Variants in SH3RF3 observed in about 807,000 individuals in gnomAD.
SH3RF3 encodes the protein SH3 domain containing ring finger 3, also known as E3 ubiquitin-protein ligase SH3RF3.
In SH3RF3, 29 loss-of-function variants were observed where a neutral mutation model predicts 66.3. The observed-to-expected ratio is 0.44, with a 90% confidence interval of 0.33 to 0.60. The LOEUF (loss-of-function observed/expected upper bound fraction) is 0.60, where lower values mean the gene tolerates loss of function less well. Among genes scored for constraint, SH3RF3 ranks in the 20% least tolerant of loss-of-function variants. The probability of loss-of-function intolerance (pLI) is 0.04; values close to 1 mark genes in which losing one functional copy is unlikely to be tolerated. For missense variants in SH3RF3, 1,194 were observed against 1,190.9 expected (o/e 1.00, Z -0.04); for synonymous variants, 583 against 532.0 (o/e 1.10, Z -1.32).
intron 1 of SH3RF3, among the ~76,000 whole-genome samples, chr2:109,209,954 C>T (rs1678931030): frequency 1.3e-5 from 2 of 152,184 alleles, no homozygotes; most frequent in African/African-American, 4.8e-5. Context: ...AAACTGTGTC[C>T]CCATTAAACA....
intron 1 of SH3RF3, among the ~76,000 whole-genome samples, chr2:109,179,897 G>T (rs934979328): frequency 6.6e-6 from 1 of 151,976 alleles, no homozygotes; most frequent in African/African-American, 2.4e-5. Flanking sequence ...AAAATACAGG[G>T]GTCAAAAAAG....
intron 1 of SH3RF3, among the ~76,000 whole-genome samples, chr2:109,333,975 A>G (rs1039265865): frequency 6.6e-6 from 1 of 152,200 alleles, no homozygotes; most frequent in African/African-American, 2.4e-5. Flanking sequence ...ACAAGTGGTA[A>G]TGTGTTAAAT....
chr2:109,199,149 G>C (rs1351280552), intron 1 of SH3RF3, among the ~76,000 whole-genome samples: 3 of 151,830 alleles, frequency 2.0e-5, no homozygotes, highest in Non-Finnish European at 4.4e-5. Flanking sequence ...CACAAGGTCA[G>C]GAGATCGAGA....
chr2:109,156,072 C>T (rs1574478388), intron 1 of SH3RF3, among the ~76,000 whole-genome samples: 1 of 152,344 alleles, frequency 6.6e-6, no homozygotes, highest in East Asian at 1.9e-4. Context: ...AAGCTGGGTC[C>T]TCTCCTCTTT....
intron 5 of SH3RF3, among the ~76,000 whole-genome samples, chr2:109,429,465 A>C (rs1677129649): frequency 6.6e-6 from 1 of 152,196 alleles, no homozygotes; most frequent in South Asian, 2.1e-4. Context: ...AAAATTTAAG[A>C]TGAAGAGGCC....
In SH3RF3 at chr2:109,201,096, C is replaced by T. The variant is rs72952018; in HGVS notation, c.573+70983C>T. 8.8e-3 allele frequency among the ~76,000 whole-genome samples: 1,346 copies of T among 152,322 alleles called. 17 individuals are homozygous for T. Among genetic ancestry groups the T allele is most frequent in the African/African-American group, 0.031 (1,286 of 41,566 alleles). ...GTGCTCAGGGACTCTCAGTTCTCTCCCCTGTCCCTCAGCACAGACCTTATT... is the reference window on the plus strand; with the variant it reads ...GTGCTCAGGGACTCTCAGTTCTCTCTCCTGTCCCTCAGCACAGACCTTATT... On this transcript the variant is annotated intron_variant, in intron 1 of 9. Coordinates refer to ENST00000309415, the MANE Select transcript of SH3RF3 (RefSeq NM_001099289.3).
chr2:109,448,096 G>T (rs1573259546), intron 7 of SH3RF3, among the ~76,000 whole-genome samples: 1 of 152,258 alleles, frequency 6.6e-6, no homozygotes, highest in East Asian at 1.9e-4. Flanking sequence ...GACATACCCA[G>T]TGTGGAAACC....
chr2:109,323,258 T>C (rs998666398), intron 1 of SH3RF3, among the ~76,000 whole-genome samples: 2 of 152,122 alleles, frequency 1.3e-5, no homozygotes, highest in African/African-American at 4.8e-5. Context: ...CTGGGAGTCA[T>C]TGGGTGTATA....
At chr2:109,397,370 G>T (rs189310616) in intron 3 of SH3RF3, among the ~76,000 whole-genome samples, 1 of 152,234 alleles carries the variant, frequency 6.6e-6, no homozygotes, top group Admixed American at 6.5e-5. Flanking sequence ...GATGGCATTT[G>T]CCTAACCCAG....
chr2:109,203,950 G>T (rs369207320), intron 1 of SH3RF3, among the ~76,000 whole-genome samples: 1 of 152,226 alleles, frequency 6.6e-6, no homozygotes, highest in African/African-American at 2.4e-5. Flanking sequence ...TCCCAGCAGA[G>T]CATCTGCACG....
chr2:109,484,207 C>T (rs559951290), intron 8 of SH3RF3, among the ~76,000 whole-genome samples: 2 of 152,076 alleles, frequency 1.3e-5, no homozygotes, highest in Admixed American at 6.6e-5. Flanking sequence ...GCTGGGATTA[C>T]AGGCGCTTGC....
intron 1 of SH3RF3, among the ~76,000 whole-genome samples, chr2:109,333,776 CCT>C (rs1206136602): frequency 5.9e-5 from 9 of 152,158 alleles, no homozygotes; most frequent in African/African-American, 2.2e-4. Context: ...TGTTAATTAA[CCT>C]CTGTGTGACT....
intron 1 of SH3RF3, among the ~76,000 whole-genome samples, chr2:109,306,911 T>C (rs1407663604): frequency 6.6e-6 from 1 of 152,236 alleles, no homozygotes; most frequent in Non-Finnish European, 1.5e-5. Flanking sequence ...GGCCGCGGCA[T>C]GCATGCCCGT....
chr2:109,292,888 A>G (rs937226471), intron 1 of SH3RF3, among the ~76,000 whole-genome samples: 3 of 152,176 alleles, frequency 2.0e-5, no homozygotes, highest in Admixed American at 2.0e-4. Context: ...GTGCACCAGC[A>G]TGCCTGGCTA....
intron 1 of SH3RF3, among the ~76,000 whole-genome samples, chr2:109,239,649 T>C (rs890764803): frequency 6.6e-6 from 1 of 152,106 alleles, no homozygotes; most frequent in African/African-American, 2.4e-5. Flanking sequence ...GAGAGGCCGA[T>C]GAAGCCACTG....
chr2:109,499,133 C>A lies in SH3RF3; in HGVS notation c.2481-2370C>A, dbSNP rs182884960. Among the ~76,000 whole-genome samples, 1,318 of 152,250 alleles carry A rather than the reference C, an allele frequency of 8.7e-3. 13 individuals carry two copies. Among genetic ancestry groups the A allele is most frequent in the Non-Finnish European group, 0.015 (988 of 68,016 alleles). The stretch of plus-strand genomic sequence containing the variant: ...AAAGCAGGAGGCCCAGAGTGGGCAG[C>A]CGCCAGGACCAGGAGCCACCCACAG... On this transcript the variant is annotated intron_variant, in intron 9 of 9. Coordinates refer to ENST00000309415, the MANE Select transcript of SH3RF3 (RefSeq NM_001099289.3).
intron 2 of SH3RF3, among the ~76,000 whole-genome samples, chr2:109,369,511 A>C (rs1270597100): frequency 1.3e-5 from 2 of 152,114 alleles, no homozygotes; most frequent in East Asian, 3.9e-4. Context: ...CTATAATGTC[A>C]GTTGGAAAAA....
intron 6 of SH3RF3, among the ~76,000 whole-genome samples, chr2:109,433,022 T>C (rs568529003): frequency 6.6e-6 from 1 of 152,386 alleles, no homozygotes; most frequent in East Asian, 1.9e-4. Context: ...GCGTGTATGC[T>C]ATGCGTGTGC....
chr2:109,395,497 T>C (rs1390257022), intron 3 of SH3RF3, among the ~76,000 whole-genome samples: 1 of 152,100 alleles, frequency 6.6e-6, no homozygotes, highest in Non-Finnish European at 1.5e-5. Context: ...GACTTTCTTC[T>C]TTGAGGCAGG....
Sources: gnomAD v4.1 joint callset for allele counts (sites outside exome capture counted in the v4.1 genomes callset) on GRCh38, gnomAD v4.1.1 for gene constraint, MANE v1.5 for transcripts, NCBI Gene and HGNC (gene_info 2026-07-23, HGNC 2026-07-21) for gene names.